The following FGGY variants were observed in gnomAD, a reference collection of about 807,000 sequenced individuals.
FGGY encodes FGGY carbohydrate kinase domain containing, also known as FGGY carbohydrate kinase domain-containing protein.
Under a neutral mutation model 71.3 loss-of-function variants are expected in FGGY, and 72 were observed. That is an observed-to-expected ratio of 1.01 (90% CI 0.84 to 1.23). The LOEUF is 1.23. Among genes scored for constraint, FGGY ranks in the 50% most tolerant of loss-of-function variants. The probability of loss-of-function intolerance (pLI) is 0.00; values close to 1 mark genes in which losing one functional copy is unlikely to be tolerated. For synonymous variants in FGGY, 251 were observed against 250.3 expected, an observed-to-expected ratio of 1.00 and a Z score of -0.02; for missense variants, 668 against 682.3, an observed-to-expected ratio of 0.98 and a Z score of 0.23.
intron 4 of FGGY, among the ~76,000 whole-genome samples, chr1:59,360,647 T>G (rs115951115): frequency 0.024 from 3,722 of 152,290 alleles, 171 homozygotes; most frequent in African/African-American, 0.086. Flanking sequence ...GCTGGTGGTA[T>G]TGATAGATTT....
chr1:59,299,237 A>G (rs1184327019), intron 1 of FGGY, among the ~76,000 whole-genome samples: 1 of 152,168 alleles, frequency 6.6e-6, no homozygotes, highest in East Asian at 1.9e-4. Flanking sequence ...CTACACAAGC[A>G]TGGCACATGG....
chr1:59,359,710 A>C (rs1180983359), intron 4 of FGGY, among the ~76,000 whole-genome samples: 7 of 152,208 alleles, frequency 4.6e-5, no homozygotes, highest in Non-Finnish European at 1.5e-5. Context: ...GCTATGGATT[A>C]GATAAACTTC....
intron 14 of FGGY, among the ~76,000 whole-genome samples, chr1:59,732,659 G>A (rs1205459687): frequency 6.6e-6 from 1 of 151,826 alleles, no homozygotes; most frequent in Non-Finnish European, 1.5e-5. Flanking sequence ...AGGAAAGGGG[G>A]GCAAGAAAGG....
At chr1:59,659,794 A>C (rs1407780131) in intron 11 of FGGY, among the ~76,000 whole-genome samples, 1 of 152,240 alleles carries the variant, frequency 6.6e-6, no homozygotes, top group African/African-American at 2.4e-5. Context: ...TGGACACTGA[A>C]TGCTGTTACA....
At position 59,667,285 on chromosome 1, in the gene FGGY, G is replaced by C. The variant is rs753207385; in HGVS notation, c.1299G>C (p.Leu433Phe). 6.2e-7 allele frequency: 1 copy of C among 1,613,986 alleles called. No individual in the cohort carries two copies. The highest frequency in any genetic ancestry group is 8.5e-7 in the Non-Finnish European group (1 of 1,179,990). The part of the protein sequence containing the change: ...LYLATVQAIA[L>F]GTRFIIEAME... The stretch of plus-strand genomic sequence containing the variant: ...TATCTTCTGCTTTTCCTTTCAAGTT[G>C]GGGACTCGCTTCATTATAGAAGCCA... The change falls in exon 13 of 16, where the codon TTG (leucine) becomes TTC (phenylalanine). Residue 433 changes from leucine (L) to phenylalanine (F), a missense_variant and splice_region_variant. Leu to Phe is a conservative substitution (Grantham distance 22). This residue lies in a region of FGGY where 661 missense variants were observed against 661.6 expected (regional missense o/e 1.00). Coordinates refer to ENST00000303721, the MANE Select transcript of FGGY (RefSeq NM_018291.5).
chr1:59,311,591 T>C (rs835398), intron 1 of FGGY, among the ~76,000 whole-genome samples: 64,483 of 151,930 alleles, frequency 0.42, 14,545 homozygotes, highest in African/African-American at 0.58. Flanking sequence ...TTTATGGCTG[T>C]GTAGTATTCT....
At position 59,582,987 on chromosome 1, in the gene FGGY, G is replaced by T. The variant is rs771650320; in HGVS notation, c.904-24816G>T. On this transcript the variant is annotated intron_variant, in intron 8 of 15. Transcript: ENST00000303721. ...GAGTTTACCATTTTGTAATGCCACA[G>T]ATGTGTACTGGTGTCTGTAATGCTC... 2.8e-4 allele frequency among the ~76,000 whole-genome samples: 40 copies of T among 144,728 alleles called. 1 individual carries two copies. The highest frequency in any genetic ancestry group is 5.5e-4 in the Non-Finnish European group (37 of 66,762). 94.9% of individuals were successfully genotyped at this position (144,728 alleles called of 152,430 possible). A position where few individuals can be genotyped will look rare whatever the true frequency, so the allele number is the denominator to read the frequency against.
chr1:59,351,461 G>A (rs115942543), intron 4 of FGGY, among the ~76,000 whole-genome samples: 3,721 of 152,142 alleles, frequency 0.024, 176 homozygotes, highest in African/African-American at 0.086. Context: ...TATATCTTTC[G>A]TAAATTGTAA....
intron 6 of FGGY, among the ~76,000 whole-genome samples, chr1:59,468,386 C>T (rs1558030500): frequency 6.6e-6 from 1 of 152,160 alleles, no homozygotes; most frequent in African/African-American, 2.4e-5. Flanking sequence ...TAGTGCAATT[C>T]TATTTCATTC....
chr1:59,641,457 G>T (rs2097026442), intron 11 of FGGY: 4 of 859,012 alleles, frequency 4.7e-6, no homozygotes, highest in South Asian at 3.1e-5. Context: ...AAAGAAAACA[G>T]AAAAGTACCT....
At chr1:59,744,854 G>A (rs2101521434) in intron 14 of FGGY, among the ~76,000 whole-genome samples, 1 of 152,342 alleles carries the variant, frequency 6.6e-6, no homozygotes, top group Admixed American at 6.5e-5. Context: ...GTCCAGTGGG[G>A]AGACGTAAGA....
At chr1:59,690,379 G>A (rs193170906) in intron 14 of FGGY, among the ~76,000 whole-genome samples, 3 of 152,286 alleles carry the variant, frequency 2.0e-5, no homozygotes, top group African/African-American at 4.8e-5. Context: ...AAGAGGCCAC[G>A]CGCTTTCCCA....
intron 6 of FGGY, among the ~76,000 whole-genome samples, chr1:59,505,629 C>A (rs1258087914): frequency 6.6e-6 from 1 of 152,180 alleles, no homozygotes; most frequent in Non-Finnish European, 1.5e-5. Flanking sequence ...TGGGTTTCAT[C>A]TCATTATATG....
At chr1:59,350,857 C>T (rs1029255004) in intron 4 of FGGY, among the ~76,000 whole-genome samples, 1 of 152,166 alleles carries the variant, frequency 6.6e-6, no homozygotes, top group Non-Finnish European at 1.5e-5. Flanking sequence ...TTACCTCTTC[C>T]TCTCTCGTCA....
intron 6 of FGGY, among the ~76,000 whole-genome samples, chr1:59,486,169 G>C (rs2093651943): frequency 6.6e-6 from 1 of 152,190 alleles, no homozygotes; most frequent in Non-Finnish European, 1.5e-5. Flanking sequence ...ATGTGTGAAT[G>C]ACAGCGCACC....
chr1:59,521,221 T>A (rs1014358742), intron 7 of FGGY, among the ~76,000 whole-genome samples: 2 of 152,152 alleles, frequency 1.3e-5, no homozygotes, highest in Admixed American at 1.3e-4. Flanking sequence ...TTCGGTTTAA[T>A]GCGACCCACT....
Position 59,476,168 on chromosome 1 carries a change from T to C in FGGY, c.670+19092T>C, listed in dbSNP as rs548140201. Among the ~76,000 whole-genome samples the C allele has an allele frequency of 3.9e-5, 6 of 152,344 alleles. No individual in the cohort carries two copies. In the South Asian group the frequency reaches 6.2e-4, roughly 16 times the overall value. ...CTCTTTGTTCAGATCTCAGCTTCAATGTCATCAGAGAAGAGCTTTCCCTTA... is the reference window on the plus strand; with the variant it reads ...CTCTTTGTTCAGATCTCAGCTTCAACGTCATCAGAGAAGAGCTTTCCCTTA... On this transcript the variant is annotated intron_variant, in intron 6 of 15. Coordinates refer to ENST00000303721, the MANE Select transcript of FGGY (RefSeq NM_018291.5).
At chr1:59,473,443 G>T (rs1468481152) in intron 6 of FGGY, among the ~76,000 whole-genome samples, 1 of 152,184 alleles carries the variant, frequency 6.6e-6, no homozygotes, top group African/African-American at 2.4e-5. Flanking sequence ...AGGGTCCGCG[G>T]CTTCATTCTT....
rs1291152132 is a variant in FGGY at position 59,601,447 on chromosome 1, A to T, written c.904-6356A>T. ...ACTCATGGAGCCAGCTTGAGCATAGACAAAAAGAGAGGCAGGAGCACATGG... is the reference window on the plus strand; with the variant it reads ...ACTCATGGAGCCAGCTTGAGCATAGTCAAAAAGAGAGGCAGGAGCACATGG... On this transcript the variant is annotated intron_variant, in intron 8 of 15. Coordinates refer to ENST00000303721, the MANE Select transcript of FGGY (RefSeq NM_018291.5). Among the ~76,000 whole-genome samples, 3 of 152,192 alleles carry T rather than the reference A, an allele frequency of 2.0e-5. No individual in the cohort carries two copies. The East Asian group carries it at 5.8e-4, about 29-fold the overall frequency.
Sources: gnomAD v4.1 joint callset for allele counts (sites outside exome capture counted in the v4.1 genomes callset) on GRCh38, gnomAD v4.1.1 for gene constraint, gnomAD v4.1.1 regional missense constraint, MANE v1.5 for transcripts, NCBI Gene and HGNC (gene_info 2026-07-23, HGNC 2026-07-21) for gene names.